Variants in C3AR1 observed in about 807,000 individuals in gnomAD.
C3AR1 encodes complement C3a receptor 1.
For missense variants in C3AR1, 579 were observed against 583.5 expected (o/e 0.99, Z 0.08); for synonymous variants, 208 against 225.3 (o/e 0.92, Z 0.69).
intron 1 of C3AR1, among the ~76,000 whole-genome samples, chr12:8,063,552 T>C (rs1198597746): frequency 6.6e-6 from 1 of 152,198 alleles, no homozygotes; most frequent in African/African-American, 2.4e-5. Context: ...TCTGGAATTA[T>C]GCCCTTCACC....
intron 1 of C3AR1, among the ~76,000 whole-genome samples, chr12:8,064,279 T>G (rs867748679): frequency 2.6e-5 from 4 of 152,214 alleles, no homozygotes; most frequent in Non-Finnish European, 5.9e-5. Flanking sequence ...ACATTTTACT[T>G]TTATAGAGGC....
chr12:8,060,420 A>T (rs1356610103), intron 1 of C3AR1, among the ~76,000 whole-genome samples: 2 of 152,280 alleles, frequency 1.3e-5, no homozygotes, highest in East Asian at 3.9e-4. Flanking sequence ...TTTCAGACAG[A>T]GTCTTCCTCT....
rs748081567 is a variant in C3AR1, at chr12:8,057,673, G to C, written c.*1064C>G. Among the ~76,000 whole-genome samples, 2 of 152,128 alleles carry C rather than the reference G, an allele frequency of 1.3e-5. No homozygotes were observed. ...TTAAAAAACCCAGAAGATATATTTG[G>C]TAATTTTGGCATGTAAGTTGCCTGT... On this transcript the variant is annotated 3_prime_UTR_variant, in exon 2 of 2. Transcript: ENST00000307637.
rs1405641976 is a variant in C3AR1, at chr12:8,057,172, G to A, written c.*1565C>T. ...TACAAACAAGCCAGAAATTTCAGAC[G>A]TTTGACACAAACATTTATATATACA... On this transcript the variant is annotated 3_prime_UTR_variant, in exon 2 of 2. Coordinates refer to ENST00000307637, the MANE Select transcript of C3AR1 (RefSeq NM_004054.4). Among the ~76,000 whole-genome samples the A allele has an allele frequency of 6.6e-6, 1 of 152,162 alleles. No homozygotes were observed. Among genetic ancestry groups the A allele is most frequent in the African/African-American group, 2.4e-5 (1 of 41,444 alleles).
At chr12:8,062,772 T>C (rs1947287399) in intron 1 of C3AR1, among the ~76,000 whole-genome samples, 1 of 151,438 alleles carries the variant, frequency 6.6e-6, no homozygotes, top group Admixed American at 6.6e-5. Flanking sequence ...AGCCTCCCAG[T>C]AGCTGGGATT....
rs1189716682 is a variant in C3AR1 at position 8,056,904 on chromosome 12, T to C, written c.*1833A>G. Among the ~76,000 whole-genome samples, 1 of 152,252 alleles carries C rather than the reference T, an allele frequency of 6.6e-6. No homozygotes were observed. The highest frequency in any genetic ancestry group is 1.5e-5 in the Non-Finnish European group (1 of 68,036). ...AAAAAAAGCATTTATTCATATCAAA[T>C]ATATAAGCAAATTAATATATAAGCT... On this transcript the variant is annotated 3_prime_UTR_variant, in exon 2 of 2. Coordinates refer to ENST00000307637, the MANE Select transcript of C3AR1 (RefSeq NM_004054.4).
In C3AR1 at chr12:8,059,597, G is replaced by C; in HGVS notation, c.589C>G (p.Leu197Val). 6.2e-7 allele frequency: 1 copy of C among 1,614,166 alleles called. No homozygotes were observed. Among genetic ancestry groups the C allele is most frequent in the South Asian group, 1.1e-5 (1 of 91,080 alleles). ...CCAGGCGGCTGAACAATGTTTTCAA[G>C]AGACCTGTTTTCTAGTGGATCTCCA... ...FYGDPLENRSLENIVQPPGEM... is the reference protein window; with the variant it reads ...FYGDPLENRSVENIVQPPGEM... The change falls in exon 2 of 2, where the codon CTT becomes GTT. Residue 197 changes from leucine to valine, a missense_variant. Leu to Val is a conservative substitution (Grantham distance 32, BLOSUM62 1). Transcript: ENST00000307637.
In C3AR1 at chr12:8,059,405, G is replaced by T; in HGVS notation, c.781C>A (p.Pro261Thr). 6.2e-7 allele frequency: 1 copy of T among 1,614,048 alleles called. No homozygotes were observed. The highest frequency in any genetic ancestry group is 8.5e-7 in the Non-Finnish European group (1 of 1,179,992). ...SQNLYSNVFK[P>T]ADVVSPKIPS... ...ATTTTAGGTGAGACCACATCAGCAG[G>T]TTTAAATACATTAGAATACAGATTT... is the stretch of plus-strand genomic sequence containing the variant. The change falls in exon 2 of 2, where the codon CCT (proline) becomes ACT (threonine). Residue 261 changes from proline to threonine, a missense_variant. Coordinates refer to ENST00000307637, the MANE Select transcript of C3AR1 (RefSeq NM_004054.4).
intron 1 of C3AR1, among the ~76,000 whole-genome samples, chr12:8,065,477 C>A (rs1281724537): frequency 6.6e-6 from 1 of 151,712 alleles, no homozygotes; most frequent in Non-Finnish European, 1.5e-5. Context: ...ATGGTGGAAC[C>A]CTGTCTCTAC....
chr12:8,059,876 G>A lies in C3AR1; in HGVS notation c.310C>T (p.Leu104Phe). 6.2e-7 allele frequency: 1 copy of A among 1,614,172 alleles called. No individual in the cohort carries two copies. The highest frequency in any genetic ancestry group is 1.1e-5 in the South Asian group (1 of 91,080). Residue 104 changes from leucine (L) to phenylalanine (F), a missense_variant, in exon 2 of 2, where the codon CTC (leucine) becomes TTC (phenylalanine). Transcript: ENST00000307637. The part of the protein sequence containing the change: ...LCKLIPSIIV[L>F]NMFASVFLLT... ...AGGAAGACACTGGCAAACATGTTGA[G>A]GACAATGATGGAGGGGATGAGCTTG...
Position 8,059,990 on chromosome 12 carries a change from A to T in C3AR1, c.196T>A (p.Leu66Met). The T allele has an allele frequency of 6.2e-7, 1 of 1,614,130 alleles. No individual in the cohort carries two copies. The highest frequency in any genetic ancestry group is 8.5e-7 in the Non-Finnish European group (1 of 1,180,022). Reference sequence around the variant, plus strand: ...GAGAGGCAGCAGAGGAGGTCCGCCAAGGTGAGGTGGAGGAACCAAATTGTG... The same window carrying T: ...GAGAGGCAGCAGAGGAGGTCCGCCATGGTGAGGTGGAGGAACCAAATTGTG... ...VNTIWFLHLTLADLLCCLSLP... is the reference protein window; with the variant it reads ...VNTIWFLHLTMADLLCCLSLP... Residue 66 changes from leucine to methionine, a missense_variant, in exon 2 of 2, where the codon TTG becomes ATG. Leu to Met is a conservative substitution (Grantham distance 15, BLOSUM62 2). Coordinates refer to ENST00000307637, the MANE Select transcript of C3AR1 (RefSeq NM_004054.4).
Position 8,059,052 on chromosome 12 carries a change from C to A in C3AR1, c.1134G>T (p.Val378=). 6.2e-7 allele frequency: 1 copy of A among 1,614,148 alleles called. No homozygotes were observed. Among genetic ancestry groups the A allele is most frequent in the South Asian group, 1.1e-5 (1 of 91,080 alleles). The change falls in exon 2 of 2, where the codon GTG becomes GTT. Residue 378 remains valine (V), a synonymous_variant. Coordinates refer to ENST00000307637, the MANE Select transcript of C3AR1 (RefSeq NM_004054.4). ...FAKSQSKTFR[V]AVVVVAVFLV... is the part of the protein sequence containing the mutation. ...GAAAGACAGCCACCACCACCACGGC[C>A]ACTCGAAAGGTTTTGCTCTGAGACT...
chr12:8,064,701 A>T (rs1947312132), intron 1 of C3AR1, among the ~76,000 whole-genome samples: 1 of 151,400 alleles, frequency 6.6e-6, no homozygotes, highest in East Asian at 1.9e-4. Context: ...AAAAAAAAAA[A>T]AGAAGAAGAA....
At position 8,059,669 on chromosome 12, in the gene C3AR1, C is replaced by T; in HGVS notation, c.517G>A (p.Gly173Ser). 1 of 1,614,078 alleles carries T rather than the reference C, an allele frequency of 6.2e-7. No individual in the cohort carries two copies. The highest frequency in any genetic ancestry group is 8.5e-7 in the Non-Finnish European group (1 of 1,180,024). Residue 173 changes from glycine (G) to serine (S), a missense_variant, in exon 2 of 2, where the codon GGC becomes AGC. Physicochemically the swap from Gly to Ser is moderately conservative, Grantham distance 56. Transcript: ENST00000307637. ...GAGCTGGAGAGACCAAATTTGTAGC[C>T]ACATCTATTATGGTTGTCTGTAGTG... ...IFTTDNHNRC[G>S]YKFGLSSSLD... is the part of the protein sequence containing the mutation.
At chr12:8,064,084 GA>G (rs200004880) in intron 1 of C3AR1, among the ~76,000 whole-genome samples, 147 of 148,152 alleles carry the variant, frequency 9.9e-4, no homozygotes, top group African/African-American at 3.1e-3. Flanking sequence ...GAAAAAAAAA[GA>G]AAAAAAAAAT....
At position 8,059,065 on chromosome 12, in the gene C3AR1, T is replaced by G. The variant is rs756026186; in HGVS notation, c.1121A>C (p.Lys374Thr). 1 of 1,614,178 alleles carries G rather than the reference T, an allele frequency of 6.2e-7. No homozygotes were observed. The highest frequency in any genetic ancestry group is 1.1e-5 in the South Asian group (1 of 91,082). The change falls in exon 2 of 2, where the codon AAA (lysine) becomes ACA (threonine). Residue 374 changes from lysine to threonine, a missense_variant. By Grantham distance (78) the Lys-to-Thr change is moderately conservative (BLOSUM62 -1). Transcript: ENST00000307637. The part of the protein sequence containing the change: ...QRGRFAKSQS[K>T]TFRVAVVVVA... ...CACCACCACGGCCACTCGAAAGGTT[T>G]TGCTCTGAGACTTGGCGAAGCGGCC...
intron 1 of C3AR1, among the ~76,000 whole-genome samples, chr12:8,063,672 T>A (rs1947299689): frequency 6.6e-6 from 1 of 152,206 alleles, no homozygotes; most frequent in African/African-American, 2.4e-5. Context: ...GGCTGTCTAA[T>A]CTATTATTCT....
At position 8,065,790 on chromosome 12, in the gene C3AR1, A is replaced by G. The variant is rs200136766; in HGVS notation, c.-11+488T>C. 9.0e-3 allele frequency among the ~76,000 whole-genome samples: 1,362 copies of G among 152,044 alleles called. 26 individuals are homozygous for G. Among genetic ancestry groups the G allele is most frequent in the African/African-American group, 0.031 (1,279 of 41,492 alleles). ...ATTAAAAAAAATTATTACTAAGTTG[A>G]CCAGCCGTAATTTAAAGGTAATTAA... On this transcript the variant is annotated intron_variant, in intron 1 of 1. Transcript: ENST00000307637.
rs951219019 is a variant in C3AR1 at position 8,057,302 on chromosome 12, A to T, written c.*1435T>A. 2.6e-5 allele frequency among the ~76,000 whole-genome samples: 4 copies of T among 152,240 alleles called. No homozygotes were observed. The highest frequency in any genetic ancestry group is 4.4e-5 in the Non-Finnish European group (3 of 68,034). On this transcript the variant is annotated 3_prime_UTR_variant, in exon 2 of 2. Coordinates refer to ENST00000307637, the MANE Select transcript of C3AR1 (RefSeq NM_004054.4). ...TGGAGTGTATAGACAAAGTAGAAGA[A>T]AAATATGTGGTCATGAATGAATTAA... is the stretch of plus-strand genomic sequence containing the variant.
Sources: allele counts gnomAD v4.1 joint callset (sites outside exome capture counted in the v4.1 genomes callset), GRCh38; gene constraint gnomAD v4.1.1; transcripts MANE v1.5; gene names NCBI Gene and HGNC (gene_info 2026-07-23, HGNC 2026-07-21).